Variants in GRIA3 observed in about 807,000 individuals in gnomAD.
GRIA3 encodes glutamate ionotropic receptor AMPA type subunit 3.
In GRIA3, 3 loss-of-function variants were observed where a neutral mutation model predicts 63.0. The observed-to-expected ratio is 0.05, with a 90% confidence interval of 0.02 to 0.12. The LOEUF is 0.12. Among genes scored for constraint, GRIA3 ranks in the 10% least tolerant of loss-of-function variants. The pLI, the probability that GRIA3 is intolerant of heterozygous loss-of-function variation, is 1.00. For synonymous variants in GRIA3, 274 were observed against 257.9 expected (o/e 1.06, Z -0.60); for missense variants, 347 against 700.9 (o/e 0.50, Z 5.70).
At chrX:123,303,675 C>T (rs1016946004) in intron 3 of GRIA3, among the ~76,000 whole-genome samples, 3 of 110,353 alleles carry the variant, frequency 2.7e-5, no homozygotes. Context: ...TCCACCCCAA[C>T]TTTTGCTCCC....
intron 13 of GRIA3, among the ~76,000 whole-genome samples, chrX:123,465,386 A>G (rs1226369137): frequency 9.0e-6 from 1 of 111,419 alleles, no homozygotes; most frequent in Non-Finnish European, 1.9e-5. Context: ...AAATGGTAAA[A>G]GCCAAGTTAT....
intron 2 of GRIA3, among the ~76,000 whole-genome samples, chrX:123,241,421 G>A (rs1169378689): frequency 9.0e-6 from 1 of 111,572 alleles, no homozygotes; most frequent in East Asian, 2.8e-4. Flanking sequence ...AAGTAGGAGT[G>A]GTTTCCATGG....
At chrX:123,236,079 T>C (rs866414126) in intron 2 of GRIA3, among the ~76,000 whole-genome samples, 10 of 111,519 alleles carry the variant, frequency 9.0e-5, no homozygotes, top group Admixed American at 2.9e-4. Context: ...CTTTCATAAC[T>C]AAAGAAATAC....
chrX:123,451,505 T>TAAAAAAAAAAAAAAAAAAAAA (rs56991039), intron 12 of GRIA3, among the ~76,000 whole-genome samples: 2 of 16,183 alleles, frequency 1.2e-4, no homozygotes, highest in African/African-American at 3.9e-4. Flanking sequence ...ACTCTGTCTC[T>TAAAAAAAAAAAAAAAAAAAAA]AAAAAAAAAA....
At chrX:123,466,156 T>C (rs2045832616) in intron 13 of GRIA3, among the ~76,000 whole-genome samples, 2 of 111,834 alleles carry the variant, frequency 1.8e-5, no homozygotes, top group African/African-American at 6.5e-5. Flanking sequence ...AAAAATCAGA[T>C]CCATCTACTG....
intron 12 of GRIA3, among the ~76,000 whole-genome samples, chrX:123,458,372 G>A (rs1479957916): frequency 9.1e-6 from 1 of 109,444 alleles, no homozygotes; most frequent in African/African-American, 3.3e-5. Flanking sequence ...ATTCAAGCAG[G>A]AGACAGAAGT....
At chrX:123,463,576 A>AAGGAAGGG (rs1569440728) in intron 12 of GRIA3, among the ~76,000 whole-genome samples, 2 of 13,750 alleles carry the variant, frequency 1.5e-4, no homozygotes, top group African/African-American at 7.2e-4. Context: ...GGAAGGAAGG[A>AAGGAAGGG]AGGGAGGGAG....
At chrX:123,321,106 T>C (rs933710016) in intron 3 of GRIA3, among the ~76,000 whole-genome samples, 3 of 112,136 alleles carry the variant, frequency 2.7e-5, no homozygotes, top group Non-Finnish European at 3.8e-5. Flanking sequence ...ACAGGAGTTT[T>C]CATGGGCCAC....
At chrX:123,339,730 T>C (rs1157160908) in intron 4 of GRIA3, among the ~76,000 whole-genome samples, 1 of 112,450 alleles carries the variant, frequency 8.9e-6, no homozygotes, top group Non-Finnish European at 1.9e-5. Context: ...CACTTATGTG[T>C]CAGCATGAAC....
At chrX:123,280,393 G>A (rs1569412991) in intron 3 of GRIA3, among the ~76,000 whole-genome samples, 1 of 112,084 alleles carries the variant, frequency 8.9e-6, no homozygotes, top group African/African-American at 3.2e-5. Flanking sequence ...TATCAAACTG[G>A]TTCTGTGGCG....
At chrX:123,389,631 G>T (rs1005044099) in intron 5 of GRIA3, among the ~76,000 whole-genome samples, 1 of 111,221 alleles carries the variant, frequency 9.0e-6, no homozygotes, top group Non-Finnish European at 1.9e-5. Context: ...CTTGTAGGCA[G>T]CATATAGCTG....
intron 5 of GRIA3, among the ~76,000 whole-genome samples, chrX:123,382,879 A>G (rs953494237): frequency 8.9e-6 from 1 of 112,065 alleles, no homozygotes; most frequent in Admixed American, 9.5e-5. Context: ...GAAGCTTATC[A>G]AAGTGAGAGA....
intron 3 of GRIA3, among the ~76,000 whole-genome samples, chrX:123,316,429 T>C (rs2044831837): frequency 8.9e-6 from 1 of 112,487 alleles, no homozygotes; most frequent in African/African-American, 3.2e-5. Context: ...CATAACCTGC[T>C]AATGGGAACA....
At chrX:123,201,505 T>C (rs1406003196) in intron 2 of GRIA3, among the ~76,000 whole-genome samples, 2 of 110,896 alleles carry the variant, frequency 1.8e-5, no homozygotes, top group Non-Finnish European at 3.8e-5. Flanking sequence ...ATATAGACTG[T>C]TATAGACAGA....
chrX:123,465,859 T>C (rs961109353), intron 13 of GRIA3: 26 of 751,807 alleles, frequency 3.5e-5, no homozygotes, highest in Non-Finnish European at 4.6e-5. Flanking sequence ...ATCTTATTAT[T>C]GAGGAGAGAG....
intron 3 of GRIA3, among the ~76,000 whole-genome samples, chrX:123,259,991 G>T (rs2044442128): frequency 9.0e-6 from 1 of 111,232 alleles, no homozygotes; most frequent in African/African-American, 3.3e-5. Context: ...ATCCACAAAT[G>T]AATGTAATAT....
chrX:123,315,399 C>T (rs940896890), intron 3 of GRIA3, among the ~76,000 whole-genome samples: 5 of 111,854 alleles, frequency 4.5e-5, no homozygotes, highest in Non-Finnish European at 7.5e-5. Context: ...TCTGTATTAG[C>T]GTCTCAAATT....
chrX:123,479,897 G>A (rs2045904521), intron 13 of GRIA3, among the ~76,000 whole-genome samples, 166 bp from the exon 14 acceptor site: 1 of 112,458 alleles, frequency 8.9e-6, no homozygotes, highest in African/African-American at 3.2e-5. Context: ...CGTTGCTGTA[G>A]TGTTAACTTT....
chrX:123,428,163 G>A (rs1220668140), intron 12 of GRIA3, 24 bp downstream of exon 12: 34 of 1,005,765 alleles, frequency 3.4e-5, no homozygotes, highest in Non-Finnish European at 3.8e-5. Flanking sequence ...AGTTAATTGA[G>A]CCTGCTGATA....
Sources: gnomAD v4.1 joint callset for allele counts (sites outside exome capture counted in the v4.1 genomes callset) on GRCh38, gnomAD v4.1.1 for gene constraint, MANE v1.5 for transcripts, NCBI Gene and HGNC (gene_info 2026-07-23, HGNC 2026-07-21) for gene names.